The following MSRB2 variants were observed in gnomAD, a reference collection of about 807,000 sequenced individuals.
The protein encoded by MSRB2 is methionine sulfoxide reductase B2.
In MSRB2, 17 loss-of-function variants were observed where a neutral mutation model predicts 19.0. That is an observed-to-expected ratio of 0.89 (90% CI 0.61 to 1.34). The LOEUF is 1.34. MSRB2 is among the 40% of genes most tolerant of loss of function. The probability of loss-of-function intolerance (pLI) is 0.00; values close to 1 mark genes in which losing one functional copy is unlikely to be tolerated. For missense variants in MSRB2, 208 were observed against 237.6 expected (o/e 0.88, Z 0.82); for synonymous variants, 107 against 99.7 (o/e 1.07, Z -0.44).
intron 3 of MSRB2, among the ~76,000 whole-genome samples, chr10:23,114,964 A>G (rs1840095272): frequency 6.6e-6 from 1 of 152,066 alleles, no homozygotes; most frequent in African/African-American, 2.4e-5. Flanking sequence ...AGAAGACATA[A>G]CCAGCCTCTG....
At chr10:23,114,192 A>C (rs1163923478) in intron 3 of MSRB2, among the ~76,000 whole-genome samples, 1 of 152,034 alleles carries the variant, frequency 6.6e-6, no homozygotes, top group African/African-American at 2.4e-5. Context: ...TCTACTAAAA[A>C]TACAAAAACT....
At chr10:23,110,440 C>T in intron 3 of MSRB2, 122 bp downstream of exon 3, 1 of 753,148 alleles carries the variant, frequency 1.3e-6, no homozygotes, top group Non-Finnish European at 2.2e-6. Context: ...TTAAATTGCT[C>T]TTCTCATTTT....
intron 3 of MSRB2, among the ~76,000 whole-genome samples, chr10:23,117,774 A>T (rs1840128667): frequency 6.6e-6 from 1 of 152,162 alleles, no homozygotes; most frequent in Non-Finnish European, 1.5e-5. Flanking sequence ...TATTTTTAGT[A>T]GAGAGGGGGT....
rs757828236 is a variant in MSRB2, at chr10:23,110,226, T to C, written c.220-16T>C. ...GTATGAGAAATCTGAACATGACATATCTAATTTACTTTCAGCCTTTCAGTG... is the reference window on the plus strand; with the variant it reads ...GTATGAGAAATCTGAACATGACATACCTAATTTACTTTCAGCCTTTCAGTG... On this transcript the variant is annotated splice_polypyrimidine_tract_variant and intron_variant, in intron 2 of 4. Coordinates refer to ENST00000376510, the MANE Select transcript of MSRB2 (RefSeq NM_012228.4). 2 of 1,603,794 alleles carry C rather than the reference T, an allele frequency of 1.2e-6. No individual in the cohort carries two copies. The highest frequency in any genetic ancestry group is 1.7e-6 in the Non-Finnish European group (2 of 1,170,906).
intron 2 of MSRB2, among the ~76,000 whole-genome samples, chr10:23,108,915 G>A (rs775496791): frequency 1.3e-5 from 2 of 152,240 alleles, no homozygotes; most frequent in Admixed American, 6.5e-5. Flanking sequence ...AAACATCCAA[G>A]TGTACCCAGA....
intron 3 of MSRB2, among the ~76,000 whole-genome samples, chr10:23,118,330 G>GTTTTTTTTTTT (rs199691499): frequency 8.1e-5 from 7 of 86,646 alleles, no homozygotes; most frequent in African/African-American, 3.3e-4. Context: ...TCTTAGATTA[G>GTTTTTTTTTTT]TTTTTTGTTT....
intron 1 of MSRB2, among the ~76,000 whole-genome samples, chr10:23,103,841 G>A (rs987503139): frequency 6.6e-6 from 1 of 152,186 alleles, no homozygotes. Flanking sequence ...TCTACCCTTA[G>A]GTACCCGAAG....
At chr10:23,095,861 C>G in intron 1 of MSRB2, 135 bp downstream of exon 1, 1 of 461,900 alleles carries the variant, frequency 2.2e-6, no homozygotes, top group Non-Finnish European at 3.4e-6. Context: ...GCGCCCCTCC[C>G]CCCCCCCAGC....
At chr10:23,115,653 C>G (rs1840102601) in intron 3 of MSRB2, among the ~76,000 whole-genome samples, 1 of 152,158 alleles carries the variant, frequency 6.6e-6, no homozygotes, top group Non-Finnish European at 1.5e-5. Flanking sequence ...AAGGGCAAAC[C>G]TTACAATCTG....
At chr10:23,110,744 T>C (rs1187051366) in intron 3 of MSRB2, among the ~76,000 whole-genome samples, 1 of 152,134 alleles carries the variant, frequency 6.6e-6, no homozygotes, top group Admixed American at 6.5e-5. Context: ...TTAGGAAATG[T>C]AGAATTTTAT....
intron 2 of MSRB2, among the ~76,000 whole-genome samples, chr10:23,106,218 G>A (rs575692689): frequency 6.6e-5 from 10 of 152,234 alleles, no homozygotes; most frequent in South Asian, 4.1e-4. Context: ...CCATTTCCAC[G>A]TTTAACTTTT....
At chr10:23,104,109 G>T (rs1168770780) in intron 1 of MSRB2, 35 bp from the exon 2 acceptor site, 4 of 1,565,412 alleles carry the variant, frequency 2.6e-6, no homozygotes, top group Admixed American at 3.6e-5. Flanking sequence ...AGGCATTTTT[G>T]TTTTAATTTT....
Position 23,121,551 on chromosome 10 carries a change from A to T in MSRB2, c.*689A>T, listed in dbSNP as rs1280021465. ...ACTTGGAGTAGAACTTCACAAAACGACAGAGGGACAGCTGTTTCCATCAAA... is the reference window on the plus strand; with the variant it reads ...ACTTGGAGTAGAACTTCACAAAACGTCAGAGGGACAGCTGTTTCCATCAAA... On this transcript the variant is annotated 3_prime_UTR_variant, in exon 5 of 5. Coordinates refer to ENST00000376510, the MANE Select transcript of MSRB2 (RefSeq NM_012228.4). 6.6e-6 allele frequency: 1 copy of T among 152,292 alleles called. No homozygotes were observed. Among genetic ancestry groups the T allele is most frequent in the Non-Finnish European group, 1.5e-5 (1 of 68,112 alleles). The allele number at this position is 152,292 out of a possible 1,614,324, so 9.4% of individuals were successfully genotyped here. A position where few individuals can be genotyped will look rare whatever the true frequency, so the allele number is the denominator to read the frequency against.
intron 2 of MSRB2, among the ~76,000 whole-genome samples, chr10:23,105,275 G>C (rs1260151838): frequency 2.0e-5 from 3 of 151,364 alleles, no homozygotes; most frequent in African/African-American, 7.3e-5. Context: ...GAGAAAATTT[G>C]TTACACATAT....
chr10:23,096,779 T>G (rs894980763), intron 1 of MSRB2, among the ~76,000 whole-genome samples: 5 of 152,218 alleles, frequency 3.3e-5, no homozygotes, highest in Admixed American at 6.5e-5. Context: ...TGATGACATT[T>G]GCTGTGAGCC....
At position 23,110,624 on chromosome 10, in the gene MSRB2, G is replaced by GTTT. The variant is rs11292798; in HGVS notation, c.296+317_296+319dup. On this transcript the variant is annotated intron_variant, in intron 3 of 4. Coordinates refer to ENST00000376510, the MANE Select transcript of MSRB2 (RefSeq NM_012228.4). Reference sequence around the variant, plus strand: ...GGCCCCTTATGATAAAGCTATTAGAGTTTTTTTTTTTTTAGAGGGAAAGTA... The same window carrying GTTT: ...GGCCCCTTATGATAAAGCTATTAGAGTTTTTTTTTTTTTTTTAGAGGGAAAGTA... 1.7e-3 allele frequency among the ~76,000 whole-genome samples: 257 copies of GTTT among 147,970 alleles called. 1 individual carries two copies. Among genetic ancestry groups the GTTT allele is most frequent in the African/African-American group, 6.2e-3 (252 of 40,456 alleles).
At chr10:23,116,160 T>C (rs760136249) in intron 3 of MSRB2, among the ~76,000 whole-genome samples, 1 of 152,228 alleles carries the variant, frequency 6.6e-6, no homozygotes, top group Non-Finnish European at 1.5e-5. Context: ...GGTACTATGC[T>C]AAGCACACAC....
At chr10:23,103,606 C>T (rs915456622) in intron 1 of MSRB2, among the ~76,000 whole-genome samples, 1 of 152,184 alleles carries the variant, frequency 6.6e-6, no homozygotes, top group Non-Finnish European at 1.5e-5. Context: ...TCTTTCAGGA[C>T]TATATGCTAT....
intron 3 of MSRB2, among the ~76,000 whole-genome samples, chr10:23,116,103 A>G (rs1406840306): frequency 6.6e-6 from 1 of 152,176 alleles, no homozygotes. Flanking sequence ...GGTATTAATA[A>G]TAAAAAAATA....
Sources: allele counts gnomAD v4.1 joint callset (sites outside exome capture counted in the v4.1 genomes callset), GRCh38; gene constraint gnomAD v4.1.1; transcripts MANE v1.5; gene names NCBI Gene and HGNC (gene_info 2026-07-23, HGNC 2026-07-21).